Variants in CUX1 observed in about 807,000 individuals in gnomAD.
The protein encoded by CUX1 is cut like homeobox 1, also known as protein CASP.
CUX1 carries 31 observed loss-of-function variants against 158.8 expected under a neutral mutation model. The observed-to-expected ratio is 0.20, with a 90% CI of 0.15 to 0.26. CUX1 has a LOEUF of 0.26. Among genes scored for constraint, CUX1 ranks in the 10% least tolerant of loss-of-function variants. The pLI, the probability that CUX1 is intolerant of heterozygous loss-of-function variation, is 1.00. For synonymous variants in CUX1, 879 were observed against 862.1 expected (o/e 1.02, Z -0.34); for missense variants, 1,589 against 2,014.6 (o/e 0.79, Z 4.04).
At chr7:101,910,013 G>A (rs1364248344) in intron 1 of CUX1, among the ~76,000 whole-genome samples, 3 of 152,108 alleles carry the variant, frequency 2.0e-5, no homozygotes, top group South Asian at 2.1e-4. Context: ...TCCGCCTCCC[G>A]AGTTCAAGCG....
At position 101,817,651 on chromosome 7, in the gene CUX1, A is replaced by T. The variant is rs1470640446; in HGVS notation, c.12A>T (p.Val4=). Residue 4 remains valine, a synonymous_variant, in exon 1 of 24, where the codon GTA becomes GTT. Transcript: ENST00000292535. The surrounding 1 kb of genome is among the most constrained non-coding windows in gnomAD (Gnocchi z 4.1). The part of the protein sequence containing the change: MLC[V]AGARLKRELD... ...ACTCTGCCAGGTGGATGTTGTGCGT[A>T]GCCGGAGCCAGGTTGAAGGTGAGCG... 3.2e-6 allele frequency: 5 copies of T among 1,552,016 alleles called. No individual in the cohort carries two copies. Among genetic ancestry groups the T allele is most frequent in the African/African-American group, 1.4e-5 (1 of 73,278 alleles).
At chr7:101,934,087 T>C (rs1806626108) in intron 2 of CUX1, among the ~76,000 whole-genome samples, 1 of 152,232 alleles carries the variant, frequency 6.6e-6, no homozygotes, top group African/African-American at 2.4e-5. Context: ...GAAATCCCTG[T>C]GGTTAATCAG....
chr7:101,817,731 G>A lies in CUX1; in HGVS notation c.30+62G>A. On this transcript the variant is annotated intron_variant, in intron 1 of 23. Transcript: ENST00000292535. The surrounding 1 kb of genome is among the most constrained non-coding windows in gnomAD (Gnocchi z 4.1). ...GGCGCGGAGGGAACCGGGGATGTCG[G>A]GGGGTGCCCGGGTCCCGCGGCTTAG... 1 of 1,536,496 alleles carries A rather than the reference G, an allele frequency of 6.5e-7. No homozygotes were observed. Among genetic ancestry groups the A allele is most frequent in the South Asian group, 1.2e-5 (1 of 83,276 alleles).
At chr7:101,879,047 T>A (rs1203419222) in intron 1 of CUX1, among the ~76,000 whole-genome samples, 2 of 152,254 alleles carry the variant, frequency 1.3e-5, no homozygotes, top group Non-Finnish European at 2.9e-5. Context: ...ATTCGTACTG[T>A]GCTGGAACCA....
chr7:101,847,845 A>C (rs1000844747), intron 1 of CUX1, among the ~76,000 whole-genome samples: 1 of 151,974 alleles, frequency 6.6e-6, no homozygotes, highest in Admixed American at 6.6e-5. Context: ...AGGCAGGCAG[A>C]TCACCTGAGA....
At chr7:101,955,896 A>T (rs1809704144) in intron 2 of CUX1, among the ~76,000 whole-genome samples, 1 of 146,094 alleles carries the variant, frequency 6.8e-6, no homozygotes, top group Non-Finnish European at 1.5e-5. Flanking sequence ...AAGGTTAAAA[A>T]AAAAAGGCTG....
At chr7:101,827,051 C>G (rs1279170424) in intron 1 of CUX1, among the ~76,000 whole-genome samples, 5 of 152,080 alleles carry the variant, frequency 3.3e-5, no homozygotes, top group Non-Finnish European at 7.4e-5. Flanking sequence ...AATTATCTTT[C>G]TGTGCAAAGT....
At chr7:101,844,225 C>G (rs1045510772) in intron 1 of CUX1, among the ~76,000 whole-genome samples, 6 of 138,320 alleles carry the variant, frequency 4.3e-5, no homozygotes, top group African/African-American at 1.6e-4. Flanking sequence ...TCTGTTTACA[C>G]GGAAGGCTGC....
intron 2 of CUX1, among the ~76,000 whole-genome samples, chr7:102,023,013 G>A (rs1214022199): frequency 6.6e-6 from 1 of 152,174 alleles, no homozygotes; most frequent in Non-Finnish European, 1.5e-5. Flanking sequence ...TCAGGAGTTC[G>A]AGACCAGCCT....
chr7:102,225,268 G>A (rs1798230764), intron 20 of CUX1, among the ~76,000 whole-genome samples: 4 of 152,164 alleles, frequency 2.6e-5, no homozygotes, highest in Admixed American at 2.6e-4. Flanking sequence ...GCGGAAGTTT[G>A]TGCCGGTTCA....
chr7:101,817,092 G>A (rs1791914336), upstream of CUX1: 3 of 984,520 alleles, frequency 3.0e-6, no homozygotes, highest in East Asian at 1.2e-4. This position sits in a 1 kb window ranked among gnomAD's most constrained non-coding sequence, Gnocchi z 4.1. Flanking sequence ...TGCCCCGCGC[G>A]CAGTGTCGCT....
rs575565894 is a variant in CUX1 at position 102,272,520 on chromosome 7, T to C, written c.1256-846T>C. ...CAAGGTTTATTGTTACCATGTTACA[T>C]GTCACCATTTGGGACCAGAAAGGGG... On this transcript the variant is annotated intron_variant, in intron 14 of 22. Transcript: ENST00000292538. Among the ~76,000 whole-genome samples, 39 of 152,352 alleles carry C rather than the reference T, an allele frequency of 2.6e-4. 1 individual carries two copies. The South Asian group carries it at 6.6e-3, about 26-fold the overall frequency.
At chr7:102,226,473 C>G (rs1233951362) in intron 20 of CUX1, among the ~76,000 whole-genome samples, 1 of 152,132 alleles carries the variant, frequency 6.6e-6, no homozygotes, top group Non-Finnish European at 1.5e-5. Flanking sequence ...CACCTGTGGT[C>G]CAGGAGGAGC....
At chr7:101,979,999 C>T (rs1049757660) in intron 2 of CUX1, among the ~76,000 whole-genome samples, 12 of 152,264 alleles carry the variant, frequency 7.9e-5, no homozygotes, top group East Asian at 3.9e-4. Flanking sequence ...TTGTTTCCAG[C>T]GCTGTGAGTA....
chr7:101,906,283 C>T (rs983307391), intron 1 of CUX1, among the ~76,000 whole-genome samples: 18 of 152,066 alleles, frequency 1.2e-4, no homozygotes, highest in African/African-American at 3.6e-4. Flanking sequence ...GGAGCTGCCA[C>T]GCAGCCACTC....
chr7:102,250,783 CGTGCGT>C lies in CUX1; in HGVS notation c.*1751_*1756del, dbSNP rs1346278067. 175 of 985,112 alleles carry C rather than the reference CGTGCGT, an allele frequency of 1.8e-4. No homozygotes were observed. Among genetic ancestry groups the C allele is most frequent in the South Asian group, 4.2e-4 (9 of 21,266 alleles). The allele number at this position is 985,112 out of a possible 1,614,324, so 61.0% of individuals were successfully genotyped here. On this transcript the variant is annotated 3_prime_UTR_variant, in exon 24 of 24. Transcript: ENST00000292535. ...GAGAATAGAGGCGGGTGAGAGTGTGCGTGCGTGTGCGTGTGTGCAATTTTATACGTC... is the reference window on the plus strand; with the variant it reads ...GAGAATAGAGGCGGGTGAGAGTGTGCGTGCGTGTGTGCAATTTTATACGTC...
intron 2 of CUX1, among the ~76,000 whole-genome samples, chr7:102,011,686 C>T (rs1818049032): frequency 6.6e-6 from 1 of 151,912 alleles, no homozygotes; most frequent in African/African-American, 2.4e-5. Flanking sequence ...TGGCCTTCTG[C>T]CTTTTTTGGT....
intron 3 of CUX1, among the ~76,000 whole-genome samples, chr7:102,036,398 A>G (rs1187238837): frequency 6.6e-6 from 1 of 152,320 alleles, no homozygotes; most frequent in East Asian, 1.9e-4. Flanking sequence ...TTAAAGCTGC[A>G]GTAGTTGGCA....
Position 101,956,276 on chromosome 7 carries a change from T to C in CUX1, c.141+40051T>C, listed in dbSNP as rs113539456. Among the ~76,000 whole-genome samples, 1,030 of 152,228 alleles carry C rather than the reference T, an allele frequency of 6.8e-3. 14 individuals carry two copies. The highest frequency in any genetic ancestry group is 0.023 in the African/African-American group (971 of 41,534). On this transcript the variant is annotated intron_variant, in intron 2 of 23. Transcript: ENST00000292535. ...GAAATGAGAATCGCAGTGCCTCAGT[T>C]AAACAGCGGCCTCTCCGGATGCCAA...
Sources: gnomAD v4.1 joint callset for allele counts (sites outside exome capture counted in the v4.1 genomes callset) on GRCh38, gnomAD v4.1.1 for gene constraint, Gnocchi (gnomAD v3.1) non-coding constraint, MANE v1.5 for transcripts, NCBI Gene and HGNC (gene_info 2026-07-23, HGNC 2026-07-21) for gene names.